Variants in ABCB5 observed in about 807,000 individuals in gnomAD.
ABCB5 encodes ATP binding cassette subfamily B member 5, also known as ATP-binding cassette sub-family B member 5.
In ABCB5, 155 loss-of-function variants were observed where a neutral mutation model predicts 144.2. The ratio of observed to expected loss-of-function variants is 1.08; its 90% CI spans 0.94 to 1.23. The LOEUF is 1.23. Ranked by LOEUF, ABCB5 falls within the 50% of genes most tolerant of loss-of-function variation. The pLI is 0.00. For missense variants in ABCB5, 1,830 were observed against 1,520.8 expected, an observed-to-expected ratio of 1.20 and a Z score of -3.38; for synonymous variants, 610 against 528.6, an observed-to-expected ratio of 1.15 and a Z score of -2.11.
intron 14 of ABCB5, among the ~76,000 whole-genome samples, chr7:20,676,832 A>G (rs1386287184): frequency 6.6e-6 from 1 of 152,232 alleles, no homozygotes; most frequent in Non-Finnish European, 1.5e-5. Context: ...AATGAAGAAT[A>G]TAAGACTTAG....
Position 20,643,192 on chromosome 7 carries a change from T to G in ABCB5, c.323T>G (p.Leu108Arg). ...KLNEDMTLLT[L>R]YYVGIGVAAL... is the part of the protein sequence containing the mutation. ...TAATACTCTTTCTTCAGGTTGACCC[T>G]GTATTATGTTGGAATAGGTGTTGCT... is the stretch of plus-strand genomic sequence containing the variant. Residue 108 changes from leucine (L) to arginine (R), a missense_variant, in exon 6 of 28, where the codon CTG (leucine) becomes CGG (arginine). Transcript: ENST00000404938. 6.2e-7 allele frequency: 1 copy of G among 1,609,244 alleles called. No homozygotes were observed.
Position 20,723,061 on chromosome 7 carries a change from A to G in ABCB5, c.2467A>G (p.Met823Val), listed in dbSNP as rs776894744. 6 of 1,613,994 alleles carry G rather than the reference A, an allele frequency of 3.7e-6. No individual in the cohort carries two copies. The African/African-American group carries it at 6.7e-5, about 18-fold the overall frequency. Residue 823 changes from methionine (M) to valine (V), a missense_variant, in exon 21 of 28, where the codon ATG becomes GTG. By Grantham distance (21) the Met-to-Val change is conservative. Coordinates refer to ENST00000404938, the MANE Select transcript of ABCB5 (RefSeq NM_001163941.2). ...CGTCTTAACACAAAATGCAACTAAC[A>G]TGGGACTTTCAGTTATCATTTCCTT... ...IGVLTQNATN[M>V]GLSVIISFIY...
At chr7:20,638,501 T>G (rs1784212922) in intron 5 of ABCB5, among the ~76,000 whole-genome samples, 1 of 152,214 alleles carries the variant, frequency 6.6e-6, no homozygotes, top group Non-Finnish European at 1.5e-5. Flanking sequence ...AGATCTTCAT[T>G]TGCAACCAAT....
chr7:20,668,406 G>A (rs1479067691), intron 14 of ABCB5, among the ~76,000 whole-genome samples: 2 of 148,888 alleles, frequency 1.3e-5, no homozygotes, highest in Non-Finnish European at 3.0e-5. Flanking sequence ...CGCCTCTGCT[G>A]GGCCGCAACC....
At chr7:20,650,725 A>G (rs1385468700) in intron 12 of ABCB5, among the ~76,000 whole-genome samples, 1 of 152,200 alleles carries the variant, frequency 6.6e-6, no homozygotes. Context: ...CTACTCCCCT[A>G]GAGCCTGGCT....
intron 20 of ABCB5, among the ~76,000 whole-genome samples, chr7:20,706,006 T>A (rs1786809755): frequency 6.6e-6 from 1 of 152,146 alleles, no homozygotes; most frequent in South Asian, 2.1e-4. Flanking sequence ...AAATTCATTT[T>A]GTTAATTTTG....
chr7:20,701,752 T>A (rs569438664), intron 19 of ABCB5, among the ~76,000 whole-genome samples: 93 of 152,322 alleles, frequency 6.1e-4, no homozygotes, highest in African/African-American at 2.1e-3. Context: ...GCACAGAAAG[T>A]CTATGCCACT....
chr7:20,700,277 T>A lies in ABCB5; in HGVS notation c.2337+142T>A, dbSNP rs965627009. On this transcript the variant is annotated intron_variant, in intron 19 of 27. Transcript: ENST00000404938. ...TTTGTTCTAAGCAGCAAAAATCTGA[T>A]GTCAGAAGTCTTATATTTTTCTAAA... 6 of 697,388 alleles carry A rather than the reference T, an allele frequency of 8.6e-6. 1 individual carries two copies. The South Asian group carries it at 1.7e-4, about 20-fold the overall frequency. The allele number at this position is 697,388 out of a possible 1,614,324, so 43.2% of individuals were successfully genotyped here.
intron 26 of ABCB5, among the ~76,000 whole-genome samples, chr7:20,752,587 G>A (rs957472330): frequency 1.9e-4 from 29 of 152,326 alleles, no homozygotes; most frequent in African/African-American, 6.5e-4. Context: ...GGTAGCTCAC[G>A]CCTGCAATCC....
chr7:20,714,257 T>C (rs73684822), intron 20 of ABCB5, among the ~76,000 whole-genome samples: 4,312 of 152,182 alleles, frequency 0.028, 185 homozygotes, highest in African/African-American at 0.094. Context: ...CAAAGTGATA[T>C]CCCCCACATC....
intron 5 of ABCB5, among the ~76,000 whole-genome samples, chr7:20,635,563 T>C (rs534249708): frequency 6.6e-6 from 1 of 152,274 alleles, no homozygotes; most frequent in East Asian, 1.9e-4. Flanking sequence ...TCCCATTTGT[T>C]TGTATCATCT....
chr7:20,639,881 C>T (rs148620082), intron 5 of ABCB5, among the ~76,000 whole-genome samples: 3 of 152,248 alleles, frequency 2.0e-5, no homozygotes, highest in African/African-American at 2.4e-5. Context: ...TCAATTTCTA[C>T]AGGAAAGCAC....
At chr7:20,743,199 A>G in intron 25 of ABCB5, 125 bp downstream of exon 25, 1 of 1,012,114 alleles carries the variant, frequency 9.9e-7, no homozygotes, top group Non-Finnish European at 1.4e-6. Flanking sequence ...AAAGAAAAAA[A>G]ATCTCTGTGT....
intron 13 of ABCB5, among the ~76,000 whole-genome samples, chr7:20,654,965 T>C (rs936183675): frequency 6.8e-6 from 1 of 147,742 alleles, no homozygotes; most frequent in Non-Finnish European, 1.5e-5. Context: ...ACTAAGTAAA[T>C]AGAAATTACA....
intron 14 of ABCB5, among the ~76,000 whole-genome samples, chr7:20,677,475 A>G (rs1785653921): frequency 1.3e-5 from 2 of 152,290 alleles, no homozygotes; most frequent in East Asian, 3.9e-4. Flanking sequence ...TTTGCCAGTA[A>G]TCCAGCACTT....
intron 21 of ABCB5, among the ~76,000 whole-genome samples, chr7:20,724,002 T>C (rs13240447): frequency 0.035 from 5,282 of 152,134 alleles, 114 homozygotes; most frequent in South Asian, 0.054. Flanking sequence ...CACCTAAGAA[T>C]TGAAAGAGAC....
Position 20,628,735 on chromosome 7 carries a change from A to G in ABCB5, c.156A>G (p.Ile52Met). 1 of 1,613,610 alleles carries G rather than the reference A, an allele frequency of 6.2e-7. No individual in the cohort carries two copies. The highest frequency in any genetic ancestry group is 8.5e-7 in the Non-Finnish European group (1 of 1,179,810). Residue 52 changes from isoleucine (I) to methionine (M), a missense_variant, in exon 4 of 28, where the codon ATA (isoleucine) becomes ATG (methionine). By Grantham distance (10) the Ile-to-Met change is conservative. Coordinates refer to ENST00000404938, the MANE Select transcript of ABCB5 (RefSeq NM_001163941.2). Reference protein sequence around the residue: ...GLDITLMILGILASLVNGACL... With the variant: ...GLDITLMILGMLASLVNGACL... ...ACATCACACTCATGATCCTGGGTAT[A>G]CTGGCATCACTGGTCAATGGAGCCT...
chr7:20,691,582 T>TTTTATTTATTTATTTA (rs71020667), intron 16 of ABCB5, among the ~76,000 whole-genome samples: 12,629 of 146,796 alleles, frequency 0.086, 626 homozygotes, highest in Admixed American at 0.14. Flanking sequence ...TTAAATTCAT[T>TTTTATTTATTTATTTA]TTTATTTATT....
intron 14 of ABCB5, among the ~76,000 whole-genome samples, chr7:20,667,771 A>T (rs1210039451): frequency 7.2e-6 from 1 of 138,768 alleles, no homozygotes; most frequent in Non-Finnish European, 1.6e-5. Context: ...TCTGATGCCG[A>T]GCCAAACCTG....
Sources: gnomAD v4.1 joint callset for allele counts (sites outside exome capture counted in the v4.1 genomes callset) on GRCh38, gnomAD v4.1.1 for gene constraint, MANE v1.5 for transcripts, NCBI Gene and HGNC (gene_info 2026-07-23, HGNC 2026-07-21) for gene names.